The following GLT1D1 variants were observed in gnomAD, a reference collection of about 807,000 sequenced individuals.
GLT1D1 encodes glycosyltransferase 1 domain containing 1.
Under a neutral mutation model 28.7 loss-of-function variants are expected in GLT1D1, and 21 were observed. The observed-to-expected ratio is 0.73, with a 90% CI of 0.52 to 1.05. The LOEUF (loss-of-function observed/expected upper bound fraction) is 1.05, where lower values mean the gene tolerates loss of function less well. Ranked by LOEUF, GLT1D1 falls within the 50% of genes least tolerant of loss-of-function variation. GLT1D1 has a pLI of 0.00. For missense variants in GLT1D1, 343 were observed against 330.6 expected (o/e 1.04, Z -0.29); for synonymous variants, 147 against 124.8 (o/e 1.18, Z -1.19).
chr12:128,944,791 AATTTATATATATATGTATAT>A (rs1445772725), intron 4 of GLT1D1: 1 of 367,182 alleles, frequency 2.7e-6, no homozygotes, highest in Admixed American at 4.0e-5. Flanking sequence ...CTAACACGTC[AATTTATATATATATGTATAT>A]ATATATATAA....
chr12:128,946,689 T>C (rs865788), intron 5 of GLT1D1, among the ~76,000 whole-genome samples: 37,326 of 112,290 alleles, frequency 0.33, 5,541 homozygotes, highest in Middle Eastern at 0.51. Flanking sequence ...TGCTCTGTCA[T>C]CCAGGCTGGA....
Position 128,872,064 on chromosome 12 carries a change from G to A in GLT1D1, c.69-3850G>A, listed in dbSNP as rs181157725. ...CCTCCCGGGTTCAAGCGATTCTCCT[G>A]CCTCAGCCTCCCAAGTAGCTGGGAT... is the stretch of plus-strand genomic sequence containing the variant. On this transcript the variant is annotated intron_variant, in intron 1 of 7. Coordinates refer to ENST00000281703, the MANE Select transcript of GLT1D1 (RefSeq NM_144669.3). Among the ~76,000 whole-genome samples the A allele has an allele frequency of 5.2e-3, 780 of 150,776 alleles. 6 individuals are homozygous for A. The highest frequency in any genetic ancestry group is 0.018 in the African/African-American group (730 of 41,080).
chr12:128,912,481 A>G (rs1871643160), intron 4 of GLT1D1, 21 bp downstream of exon 5: 3 of 1,396,084 alleles, frequency 2.1e-6, no homozygotes, highest in Admixed American at 2.1e-5. Context: ...TAAAATATTT[A>G]TTTACTTATG....
chr12:128,879,494 G>T (rs988588586), intron 2 of GLT1D1, among the ~76,000 whole-genome samples: 3 of 137,898 alleles, frequency 2.2e-5, no homozygotes, highest in African/African-American at 8.7e-5. Context: ...CTCACTCTGT[G>T]GCCCAGGCTG....
At chr12:128,944,989 C>T (rs1022583588) in intron 4 of GLT1D1, 19 of 579,830 alleles carry the variant, frequency 3.3e-5, no homozygotes, top group Non-Finnish European at 5.3e-5. Flanking sequence ...ATGTTCCCCT[C>T]CCTGTGTCCA....
intron 7 of GLT1D1, among the ~76,000 whole-genome samples, chr12:128,968,300 T>C (rs556418989): frequency 2.0e-5 from 3 of 150,960 alleles, no homozygotes; most frequent in African/African-American, 7.3e-5. Flanking sequence ...CGGTCACTTA[T>C]GTGGATTTCC....
intron 2 of GLT1D1, among the ~76,000 whole-genome samples, chr12:128,882,107 A>C (rs2135814125): frequency 1.3e-5 from 2 of 152,266 alleles, no homozygotes; most frequent in South Asian, 4.1e-4. Context: ...AATATTGCTA[A>C]GTAAAACCTT....
chr12:128,944,271 T>C (rs548467508), intron 4 of GLT1D1: 2 of 614,964 alleles, frequency 3.3e-6, no homozygotes, highest in Non-Finnish European at 6.1e-6. Context: ...TTTCTCCTTA[T>C]AGAGTAACTG....
intron 7 of GLT1D1, among the ~76,000 whole-genome samples, chr12:128,974,124 C>T (rs1262449184): frequency 2.0e-5 from 3 of 151,958 alleles, no homozygotes; most frequent in East Asian, 1.9e-4. Context: ...GGGGAGAGGG[C>T]GCATAGGAAT....
chr12:128,862,315 T>G (rs1593045774), intron 1 of GLT1D1, among the ~76,000 whole-genome samples: 4 of 124,038 alleles, frequency 3.2e-5, no homozygotes, highest in Non-Finnish European at 3.2e-5. Context: ...GGTGACAGAG[T>G]GAGACTCTGT....
intron 1 of GLT1D1, among the ~76,000 whole-genome samples, chr12:128,856,591 G>T (rs897356411): frequency 2.0e-5 from 3 of 152,142 alleles, no homozygotes; most frequent in Non-Finnish European, 4.4e-5. Flanking sequence ...AAGGAATAAT[G>T]GTGAGAACAC....
intron 1 of GLT1D1, among the ~76,000 whole-genome samples, chr12:128,875,054 T>TTCTGTGTG (rs1555261798): frequency 7.0e-6 from 1 of 143,800 alleles, no homozygotes; most frequent in East Asian, 2.0e-4. Flanking sequence ...GACATAAATA[T>TTCTGTGTG]TGTGTGTGTG....
chr12:128,854,282 C>G (rs1405282807), intron 1 of GLT1D1, among the ~76,000 whole-genome samples: 1 of 152,230 alleles, frequency 6.6e-6, no homozygotes, highest in East Asian at 1.9e-4. Context: ...GCGTTAATCC[C>G]GCCGCCTCCC....
chr12:128,864,067 G>T, intron 1 of GLT1D1: 2 of 573,956 alleles, frequency 3.5e-6, no homozygotes, highest in East Asian at 3.1e-5. Context: ...GGCTTGTGCC[G>T]CTGTGTGCAC....
At chr12:128,959,414 G>GCGGGC (rs63511862) in intron 7 of GLT1D1, among the ~76,000 whole-genome samples, 1 of 36,510 alleles carries the variant, frequency 2.7e-5, no homozygotes, top group Non-Finnish European at 5.0e-5. Flanking sequence ...GAGGCAGTGG[G>GCGGGC]GGGGGACGGG....
chr12:128,885,145 T>G (rs1957147932), intron 2 of GLT1D1, among the ~76,000 whole-genome samples: 1 of 151,870 alleles, frequency 6.6e-6, no homozygotes, highest in African/African-American at 2.4e-5. Flanking sequence ...AAAAAGAGAG[T>G]TTGCAAAAAT....
chr12:128,919,976 TCTCTCTCTCTCTCTCCCC>T (rs66668334), intron 4 of GLT1D1, among the ~76,000 whole-genome samples: 13,263 of 26,490 alleles, frequency 0.5, 1,346 homozygotes, highest in South Asian at 0.6. Context: ...TCTCTCTCTC[TCTCTCTCTCTCTCTCCCC>T]CTCCATCTCT....
intron 2 of GLT1D1, among the ~76,000 whole-genome samples, chr12:128,886,140 A>G (rs976721166): frequency 6.6e-6 from 1 of 152,160 alleles, no homozygotes; most frequent in African/African-American, 2.4e-5. Flanking sequence ...ACCTTTTGCC[A>G]TGATTGGGAG....
At chr12:128,963,338 A>C (rs1307209145) in intron 7 of GLT1D1, among the ~76,000 whole-genome samples, 1 of 151,964 alleles carries the variant, frequency 6.6e-6, no homozygotes, top group Non-Finnish European at 1.5e-5. Context: ...AATAGAAAGG[A>C]CTTGATGTGA....
Sources: allele counts gnomAD v4.1 joint callset (sites outside exome capture counted in the v4.1 genomes callset), GRCh38; gene constraint gnomAD v4.1.1; transcripts MANE v1.5; gene names NCBI Gene and HGNC (gene_info 2026-07-23, HGNC 2026-07-21).